The following CLDN10 variants were observed in gnomAD, a reference collection of about 807,000 sequenced individuals.
CLDN10 encodes claudin-10.
A neutral mutation model predicts 22.9 loss-of-function variants in CLDN10; 15 were observed. The observed-to-expected ratio is 0.65, with a 90% confidence interval of 0.44 to 1.01. The LOEUF is 1.01. Ranked by LOEUF, CLDN10 falls within the 50% of genes least tolerant of loss-of-function variation. The pLI is 0.00. For missense variants in CLDN10, 247 were observed against 287.8 expected (o/e 0.86, Z 1.03); for synonymous variants, 114 against 111.4 (o/e 1.02, Z -0.15).
chr13:95,437,853 C>T (rs1018169129), intron 1 of CLDN10, among the ~76,000 whole-genome samples: 4 of 152,260 alleles, frequency 2.6e-5, no homozygotes, highest in Middle Eastern at 3.4e-3. Flanking sequence ...TCAGCAATGA[C>T]ATCTTCTGTG....
intron 1 of CLDN10, among the ~76,000 whole-genome samples, chr13:95,463,411 T>C (rs149145873): frequency 0.021 from 3,007 of 142,362 alleles, 38 homozygotes; most frequent in Non-Finnish European, 0.033. Flanking sequence ...TGGCTCACTG[T>C]AGCCTGGGCC....
At chr13:95,482,510 T>C (rs933951520) in intron 1 of CLDN10, among the ~76,000 whole-genome samples, 3 of 152,246 alleles carry the variant, frequency 2.0e-5, no homozygotes, top group African/African-American at 7.2e-5. Context: ...GCCCATCAAA[T>C]CACACCTTCT....
chr13:95,501,494 G>A (rs1308809758), intron 1 of CLDN10, among the ~76,000 whole-genome samples: 1 of 152,098 alleles, frequency 6.6e-6, no homozygotes, highest in Non-Finnish European at 1.5e-5. Context: ...TGGTCTTGTT[G>A]TAAACTGACC....
intron 1 of CLDN10, among the ~76,000 whole-genome samples, chr13:95,441,485 C>A (rs558459166): frequency 6.6e-6 from 1 of 152,178 alleles, no homozygotes; most frequent in African/African-American, 2.4e-5. Flanking sequence ...TTCAAGCAAT[C>A]CTGTCTCAGC....
At chr13:95,506,270 C>T (rs2043037776) in intron 1 of CLDN10, among the ~76,000 whole-genome samples, 1 of 152,148 alleles carries the variant, frequency 6.6e-6, no homozygotes, top group South Asian at 2.1e-4. Flanking sequence ...CATCCCTTCC[C>T]ATGAGTCCCT....
At chr13:95,493,649 T>A (rs904983864) in intron 1 of CLDN10, among the ~76,000 whole-genome samples, 7 of 150,984 alleles carry the variant, frequency 4.6e-5, no homozygotes, top group Non-Finnish European at 1.0e-4. Flanking sequence ...AACCTCCACC[T>A]TCCGGGTTCA....
intron 1 of CLDN10, among the ~76,000 whole-genome samples, chr13:95,547,046 C>CTTTTT (rs34873593): frequency 7.6e-6 from 1 of 131,314 alleles, no homozygotes; most frequent in African/African-American, 2.8e-5. Context: ...GGCTGGCTAA[C>CTTTTT]TTTTTTTTTT....
At chr13:95,490,537 A>C (rs7985976) in intron 1 of CLDN10, among the ~76,000 whole-genome samples, 1 of 152,170 alleles carries the variant, frequency 6.6e-6, no homozygotes, top group Non-Finnish European at 1.5e-5. Flanking sequence ...GTGCTCATTC[A>C]GGAGCAGATT....
At chr13:95,506,160 G>C (rs970421593) in intron 1 of CLDN10, among the ~76,000 whole-genome samples, 7 of 152,082 alleles carry the variant, frequency 4.6e-5, no homozygotes, top group Non-Finnish European at 8.8e-5. Flanking sequence ...GTGTGTGTGT[G>C]TGCCTGTGTG....
intron 1 of CLDN10, among the ~76,000 whole-genome samples, chr13:95,434,944 A>C (rs756273887): frequency 9.2e-5 from 14 of 152,164 alleles, no homozygotes; most frequent in Non-Finnish European, 2.1e-4. Context: ...ATAAAATAAC[A>C]GCAAGAAAAA....
exon 1 of CLDN10, chr13:95,433,878 G>A (rs757224911): frequency 1.2e-6 from 2 of 1,614,092 alleles, no homozygotes; most frequent in East Asian, 2.2e-5. Context: ...GTGTCGGAGG[G>A]TTTGGAGCTC....
chr13:95,481,152 T>A (rs1021582305), intron 1 of CLDN10, among the ~76,000 whole-genome samples: 5 of 152,002 alleles, frequency 3.3e-5, no homozygotes, highest in African/African-American at 7.3e-5. Flanking sequence ...AGGCAGAAAA[T>A]TCCCAGGCAC....
intron 1 of CLDN10, among the ~76,000 whole-genome samples, chr13:95,556,819 G>A (rs575490612): frequency 6.6e-6 from 1 of 152,354 alleles, no homozygotes; most frequent in African/African-American, 2.4e-5. Context: ...GGTGCTATTA[G>A]CGAATTGTCT....
intron 1 of CLDN10, among the ~76,000 whole-genome samples, chr13:95,491,920 G>C (rs1348788603): frequency 7.2e-5 from 11 of 152,120 alleles, no homozygotes; most frequent in African/African-American, 2.7e-4. Flanking sequence ...CCAAACTGCA[G>C]TGATTATTGT....
At chr13:95,476,908 T>C (rs767687159) in intron 1 of CLDN10, among the ~76,000 whole-genome samples, 1 of 152,180 alleles carries the variant, frequency 6.6e-6, no homozygotes, top group Non-Finnish European at 1.5e-5. Flanking sequence ...CAGTCACTGA[T>C]TGTGCTCTTT....
At position 95,471,392 on chromosome 13, in the gene CLDN10, C is replaced by A. The variant is rs115153446; in HGVS notation, c.214+37345C>A. On this transcript the variant is annotated intron_variant, in intron 1 of 4. Transcript: ENST00000376873. Reference sequence around the variant, plus strand: ...TGTGTGTATATATATAACATACACACACATGTATATATACACACACACATA... The same window carrying A: ...TGTGTGTATATATATAACATACACAAACATGTATATATACACACACACATA... 3.9e-3 allele frequency among the ~76,000 whole-genome samples: 576 copies of A among 147,798 alleles called. 6 individuals are homozygous for A. The highest frequency in any genetic ancestry group is 0.014 in the African/African-American group (554 of 39,344).
chr13:95,490,998 T>TA (rs1026977753), intron 1 of CLDN10, among the ~76,000 whole-genome samples: 1 of 152,318 alleles, frequency 6.6e-6, no homozygotes. Context: ...AAGGTCTTTT[T>TA]ACCATTAATG....
chr13:95,470,438 TTG>T (rs1490805293), intron 1 of CLDN10, among the ~76,000 whole-genome samples: 1 of 152,064 alleles, frequency 6.6e-6, no homozygotes, highest in African/African-American at 2.4e-5. Flanking sequence ...ATTCTATAAT[TTG>T]TGTGATGCCC....
At chr13:95,449,409 A>G (rs2042411737) in intron 1 of CLDN10, among the ~76,000 whole-genome samples, 1 of 150,488 alleles carries the variant, frequency 6.6e-6, no homozygotes, top group African/African-American at 2.4e-5. Context: ...GCACCACCAC[A>G]CCCAGCTAAT....
Sources: gnomAD v4.1 joint callset for allele counts (sites outside exome capture counted in the v4.1 genomes callset) on GRCh38, gnomAD v4.1.1 for gene constraint, MANE v1.5 for transcripts, NCBI Gene and HGNC (gene_info 2026-07-23, HGNC 2026-07-21) for gene names.